The following HPS4 variants were observed in gnomAD, a reference collection of about 807,000 sequenced individuals.
HPS4 encodes BLOC-3 complex member HPS4.
In HPS4, 44 loss-of-function variants were observed where a neutral mutation model predicts 70.3. That is an observed-to-expected ratio of 0.63 (90% CI 0.49 to 0.80). The LOEUF (loss-of-function observed/expected upper bound fraction) is 0.80, where lower values mean the gene tolerates loss of function less well. HPS4 is among the 30% of genes least tolerant of loss of function. The pLI is 0.00. For synonymous variants in HPS4, 377 were observed against 355.9 expected (o/e 1.06, Z -0.67); for missense variants, 873 against 884.4 (o/e 0.99, Z 0.16).
intron 11 of HPS4, among the ~76,000 whole-genome samples, chr22:26,460,831 A>G (rs1480494297): frequency 6.6e-6 from 1 of 152,234 alleles, no homozygotes; most frequent in Non-Finnish European, 1.5e-5. Context: ...AAAAAGTCAA[A>G]AGAATAATAT....
rs2087885145 is a variant in HPS4 at position 26,463,960 on chromosome 22, G to C, written c.1670C>G (p.Ala557Gly). The stretch of plus-strand genomic sequence containing the variant: ...GCTGTCTCCCAGCAGCGGCTCCTCA[G>C]CCAGCAGGGACAGCACCAGCCCTTT... ...CVKGLVLSLL[A>G]EEPLLGDSAA... is the part of the protein sequence containing the mutation. The change falls in exon 11 of 14, where the codon GCT becomes GGT. Residue 557 changes from alanine (A) to glycine (G), a missense_variant. By Grantham distance (60) the Ala-to-Gly change is moderately conservative. Transcript: ENST00000398145. The C allele has an allele frequency of 6.2e-7, 1 of 1,613,972 alleles. No homozygotes were observed. The highest frequency in any genetic ancestry group is 1.3e-5 in the African/African-American group (1 of 74,942).
chr22:26,454,746 T>C (rs2085787977), intron 13 of HPS4, among the ~76,000 whole-genome samples: 1 of 152,110 alleles, frequency 6.6e-6, no homozygotes, highest in Non-Finnish European at 1.5e-5. Flanking sequence ...CTAATTAAAC[T>C]AAAGAGCTTC....
intron 3 of HPS4, among the ~76,000 whole-genome samples, chr22:26,478,344 G>A (rs1455331164): frequency 2.0e-5 from 3 of 151,748 alleles, no homozygotes. Context: ...AGGCTGAGGT[G>A]GGTGGATCAC....
intron 3 of HPS4, among the ~76,000 whole-genome samples, chr22:26,478,650 C>A (rs1474455401): frequency 1.3e-5 from 2 of 150,974 alleles, no homozygotes; most frequent in Non-Finnish European, 2.9e-5. Flanking sequence ...ATGATACTTG[C>A]CTCTCTGTTT....
At chr22:26,444,291 G>T (rs542789737) in exon 4 of HPS4, 1 of 152,166 alleles carries the variant, frequency 6.6e-6, no homozygotes, top group African/African-American at 2.4e-5. Context: ...GGAGATAGTG[G>T]AAGAGTTGGC....
chr22:26,461,633 G>A (rs6005053), intron 11 of HPS4, among the ~76,000 whole-genome samples: 125,074 of 152,188 alleles, frequency 0.82, 52,100 homozygotes, highest in Non-Finnish European at 0.89. Context: ...TGTGCTCACC[G>A]TAACTGGGGG....
chr22:26,461,619 G>C lies in HPS4; in HGVS notation c.1713+2298C>G, dbSNP rs920548610. ...ACATCATTAAGGAGCCCTTGCAAAA[G>C]GGGTGTGCTCACCGTAACTGGGGGT... On this transcript the variant is annotated intron_variant, in intron 11 of 13. Transcript: ENST00000398145. Among the ~76,000 whole-genome samples, 3 of 152,168 alleles carry C rather than the reference G, an allele frequency of 2.0e-5. No individual in the cohort carries two copies. The East Asian group carries it at 5.8e-4, about 29-fold the overall frequency.
chr22:26,457,210 C>CCTTTTTTTTTTTTTTT lies in HPS4; in HGVS notation c.1955+648_1955+649insAAAAAAAAAAAAAAAG, dbSNP rs386395106. ...ATGACTGTATGATCAGCACGTATTA[C>CCTTTTTTTTTTTTTTT]TTTTTTTTTTTTTTTTTTTTTTCTG... is the stretch of plus-strand genomic sequence containing the variant. On this transcript the variant is annotated intron_variant, in intron 13 of 13. Coordinates refer to ENST00000398145, the MANE Select transcript of HPS4 (RefSeq NM_022081.6). Among the ~76,000 whole-genome samples, 17 of 25,554 alleles carry CCTTTTTTTTTTTTTTT rather than the reference C, an allele frequency of 6.7e-4. 6 individuals carry two copies. The highest frequency in any genetic ancestry group is 9.5e-4 in the Admixed American group (2 of 2,110). 16.8% of individuals were successfully genotyped at this position (25,554 alleles called of 152,430 possible).
chr22:26,453,701 G>A (rs934650717), intron 13 of HPS4: 5 of 433,412 alleles, frequency 1.2e-5, no homozygotes, highest in African/African-American at 6.0e-5. Flanking sequence ...GTGGAGTGCT[G>A]GCTTTTTTGA....
At chr22:26,479,528 G>A in intron 2 of HPS4, 173 bp from the exon 3 acceptor site, 1 of 1,424,314 alleles carries the variant, frequency 7.0e-7, no homozygotes, top group Non-Finnish European at 9.1e-7. Flanking sequence ...AAACCATTCT[G>A]TAAGCGCAGG....
chr22:26,476,828 T>C, intron 4 of HPS4, 165 bp downstream of exon 4: 1 of 713,398 alleles, frequency 1.4e-6, no homozygotes, highest in Non-Finnish European at 2.4e-6. Context: ...CACTTGATGA[T>C]GAAAACCTGC....
chr22:26,451,961 A>G lies in HPS4; in HGVS notation c.*1272T>C, dbSNP rs2085243174. ...TACCCAGCCACACTGAACCCAGGGA[A>G]GGAAAAGAGGGATGCGCCCACGTTA... On this transcript the variant is annotated 3_prime_UTR_variant, in exon 14 of 14. Transcript: ENST00000398145. 1 of 188,290 alleles carries G rather than the reference A, an allele frequency of 5.3e-6. No homozygotes were observed. The highest frequency in any genetic ancestry group is 2.4e-5 in the African/African-American group (1 of 41,644). 11.7% of individuals were successfully genotyped at this position (188,290 alleles called of 1,614,324 possible).
intron 9 of HPS4, chr22:26,465,793 A>T: frequency 1.7e-6 from 1 of 575,812 alleles, no homozygotes; most frequent in Non-Finnish European, 3.1e-6. Context: ...TTCGGGAGAG[A>T]AAGGTTGAAA....
intron 7 of HPS4, 137 bp from the exon 8 acceptor site, chr22:26,468,760 C>T (rs2089221071): frequency 6.6e-6 from 5 of 756,372 alleles, no homozygotes; most frequent in Admixed American, 4.1e-5. Context: ...TGGTAAAACC[C>T]TTACAGAGGG....
At chr22:26,481,696 A>G in intron 2 of HPS4, 26 bp downstream of exon 2, 1 of 1,611,020 alleles carries the variant, frequency 6.2e-7, no homozygotes, top group South Asian at 1.1e-5. Flanking sequence ...AGCAAAAGCT[A>G]TGCCATGGCA....
chr22:26,479,412 A>T (rs1337797088), intron 2 of HPS4, 57 bp from the exon 3 acceptor site: 1 of 1,597,364 alleles, frequency 6.3e-7, no homozygotes, highest in African/African-American at 1.3e-5. Flanking sequence ...CACGGCATTT[A>T]AAACACAGCT....
chr22:26,483,518 A>G (rs531475819), intron 1 of HPS4, among the ~76,000 whole-genome samples, 156 bp downstream of exon 1: 1 of 152,306 alleles, frequency 6.6e-6, no homozygotes, highest in East Asian at 1.9e-4. Context: ...GCAGGCAGCG[A>G]CTGGTAACAG....
chr22:26,472,585 G>T (rs1317482295), intron 5 of HPS4, among the ~76,000 whole-genome samples, 167 bp from the exon 6 acceptor site: 1 of 152,224 alleles, frequency 6.6e-6, no homozygotes, highest in Non-Finnish European at 1.5e-5. Flanking sequence ...GCCGCGTGGG[G>T]GTGGCAAGCA....
At chr22:26,468,251 T>C in intron 8 of HPS4, 1 of 428,896 alleles carries the variant, frequency 2.3e-6, no homozygotes, top group Non-Finnish European at 4.4e-6. Flanking sequence ...CTCTGAAAAG[T>C]CTAACATCTC....
Sources: allele counts gnomAD v4.1 joint callset (sites outside exome capture counted in the v4.1 genomes callset), GRCh38; gene constraint gnomAD v4.1.1; transcripts MANE v1.5; gene names NCBI Gene and HGNC (gene_info 2026-07-23, HGNC 2026-07-21).